The following MINDY2 variants were observed in gnomAD, a reference collection of about 807,000 sequenced individuals.
MINDY2 encodes the protein ubiquitin carboxyl-terminal hydrolase MINDY-2.
Under a neutral mutation model 68.2 loss-of-function variants are expected in MINDY2, and 52 were observed. The observed-to-expected ratio is 0.76, with a 90% CI of 0.61 to 0.96. The LOEUF is 0.96. Ranked by LOEUF, MINDY2 falls within the 40% of genes least tolerant of loss-of-function variation. MINDY2 has a pLI of 0.00. For synonymous variants in MINDY2, 372 were observed against 303.0 expected (o/e 1.23, Z -2.36); for missense variants, 881 against 773.4 (o/e 1.14, Z -1.65).
intron 7 of MINDY2, among the ~76,000 whole-genome samples, chr15:58,848,701 G>A (rs961196673): frequency 3.3e-4 from 50 of 152,226 alleles, no homozygotes; most frequent in African/African-American, 1.1e-3. Flanking sequence ...AGCCGAGATC[G>A]TGCCACTGCA....
At chr15:58,774,732 T>C (rs1424082844) in intron 1 of MINDY2, among the ~76,000 whole-genome samples, 1 of 152,178 alleles carries the variant, frequency 6.6e-6, no homozygotes, top group African/African-American at 2.4e-5. Context: ...GAAGACCTTC[T>C]GGGCAAAGAG....
In MINDY2 at chr15:58,771,634, G is replaced by C. The variant is rs1555425893; in HGVS notation, c.239G>C (p.Ser80Thr). ...TCTCCTGAGGTTCCCGGACCCTGCA[G>C]CTCCTCCGCGGGTTTGGACTTGAAG... ...AGSPEVPGPCSSSAGLDLKDS... is the reference protein window; with the variant it reads ...AGSPEVPGPCTSSAGLDLKDS... Residue 80 changes from serine (S) to threonine (T), a missense_variant, in exon 1 of 9, where the codon AGC (serine) becomes ACC (threonine). By Grantham distance (58) the Ser-to-Thr change is moderately conservative. Coordinates refer to ENST00000559228, the MANE Select transcript of MINDY2 (RefSeq NM_001040450.3). The C allele has an allele frequency of 8.1e-6, 13 of 1,612,428 alleles. No homozygotes were observed. The South Asian group carries it at 1.4e-4, about 18-fold the overall frequency.
Position 58,772,234 on chromosome 15 carries a change from A to G in MINDY2, c.839A>G (p.Lys280Arg). 2 of 1,609,992 alleles carry G rather than the reference A, an allele frequency of 1.2e-6. No homozygotes were observed. The highest frequency in any genetic ancestry group is 1.7e-6 in the Non-Finnish European group (2 of 1,179,954). The change falls in exon 1 of 9, where the codon AAG becomes AGG. Residue 280 changes from lysine to arginine, a missense_variant and splice_region_variant. By Grantham distance (26) the Lys-to-Arg change is conservative. Transcript: ENST00000559228. ...CTCAATGTTTTGCTCCTGGCCTGGA[A>G]GGTACATTCTGCAGCTTTCTACTTC... Reference protein sequence around the residue: ...AILNVLLLAWKVKLPPMMEII... With the variant: ...AILNVLLLAWRVKLPPMMEII...
chr15:58,798,529 C>G (rs1476887011), intron 2 of MINDY2, among the ~76,000 whole-genome samples: 1 of 151,338 alleles, frequency 6.6e-6, no homozygotes, highest in East Asian at 1.9e-4. Context: ...AATCTTGGCT[C>G]ACTGCAACCT....
chr15:58,783,778 T>G (rs1208144420), intron 1 of MINDY2, among the ~76,000 whole-genome samples: 1 of 151,886 alleles, frequency 6.6e-6, no homozygotes, highest in African/African-American at 2.4e-5. Context: ...ACCCCATCTG[T>G]ACAAAAAATA....
At chr15:58,793,442 C>T (rs187324510) in intron 2 of MINDY2, among the ~76,000 whole-genome samples, 4 of 152,084 alleles carry the variant, frequency 2.6e-5, no homozygotes, top group African/African-American at 7.2e-5. Context: ...CAGTGAGAAA[C>T]TGTCTCAAAA....
chr15:58,810,769 A>G (rs2030184544), intron 4 of MINDY2, among the ~76,000 whole-genome samples: 2 of 152,214 alleles, frequency 1.3e-5, no homozygotes, highest in Non-Finnish European at 2.9e-5. Flanking sequence ...GCAAAGATAC[A>G]GGTTAATATT....
At chr15:58,840,385 T>C (rs1478105891) in intron 6 of MINDY2, among the ~76,000 whole-genome samples, 1 of 152,160 alleles carries the variant, frequency 6.6e-6, no homozygotes, top group Non-Finnish European at 1.5e-5. Context: ...AAAATACCTC[T>C]GTGTTTCTTT....
intron 4 of MINDY2, among the ~76,000 whole-genome samples, chr15:58,811,980 A>T (rs2030310553): frequency 6.6e-6 from 1 of 152,232 alleles, no homozygotes; most frequent in Admixed American, 6.5e-5. Context: ...TTTCAAAATA[A>T]TATTAGTTAA....
Position 58,771,973 on chromosome 15 carries a change from G to A in MINDY2, c.578G>A (p.Ser193Asn), listed in dbSNP as rs758826908. Residue 193 changes from serine (S) to asparagine (N), a missense_variant, in exon 1 of 9, where the codon AGT becomes AAT. Ser to Asn is a conservative substitution (Grantham distance 46, BLOSUM62 1). Transcript: ENST00000559228. ...TTTCCCAGTAGCTGCGAGTTCAATA[G>A]TGAGGAGGGAGCGGAGAACAGGGTC... Reference protein sequence around the residue: ...HSFPSSCEFNSEEGAENRVPE... With the variant: ...HSFPSSCEFNNEEGAENRVPE... 5 of 1,577,812 alleles carry A rather than the reference G, an allele frequency of 3.2e-6. No individual in the cohort carries two copies. The East Asian group carries it at 1.1e-4, about 35-fold the overall frequency.
intron 2 of MINDY2, among the ~76,000 whole-genome samples, chr15:58,792,980 T>A (rs1902041798): frequency 6.6e-6 from 1 of 150,948 alleles, no homozygotes; most frequent in African/African-American, 2.4e-5. Context: ...CCAGCCTGGG[T>A]GAGAGAGCAA....
Position 58,859,796 on chromosome 15 carries a change from C to T in MINDY2, c.*5186C>T, listed in dbSNP as rs1437096977. The stretch of plus-strand genomic sequence containing the variant: ...TGTTAGAGTTTAATAAATTGTGATA[C>T]GCATATATTTTTTTACATGAAGGAT... On this transcript the variant is annotated 3_prime_UTR_variant, in exon 9 of 9. Coordinates refer to ENST00000559228, the MANE Select transcript of MINDY2 (RefSeq NM_001040450.3). 4.6e-5 allele frequency: 7 copies of T among 152,048 alleles called. No individual in the cohort carries two copies. The highest frequency in any genetic ancestry group is 9.7e-5 in the African/African-American group (4 of 41,398). 9.4% of individuals were successfully genotyped at this position (152,048 alleles called of 1,614,324 possible).
intron 2 of MINDY2, among the ~76,000 whole-genome samples, chr15:58,800,045 G>C (rs1454058564): frequency 6.6e-6 from 1 of 152,136 alleles, no homozygotes; most frequent in South Asian, 2.1e-4. Flanking sequence ...ATATAAATAC[G>C]CTATAAAGCG....
intron 2 of MINDY2, among the ~76,000 whole-genome samples, chr15:58,789,917 G>A (rs946034530): frequency 4.6e-5 from 7 of 152,072 alleles, no homozygotes; most frequent in Non-Finnish European, 1.0e-4. Flanking sequence ...AAAGTGCTGG[G>A]ATTGCAGGCG....
intron 3 of MINDY2, among the ~76,000 whole-genome samples, chr15:58,809,998 A>T (rs1310503121): frequency 6.6e-6 from 1 of 152,190 alleles, no homozygotes; most frequent in African/African-American, 2.4e-5. Flanking sequence ...GCTGGTCTCA[A>T]ACTCCTGACC....
intron 2 of MINDY2, among the ~76,000 whole-genome samples, chr15:58,800,255 T>G (rs138834142): frequency 6.6e-6 from 1 of 152,308 alleles, no homozygotes; most frequent in Non-Finnish European, 1.5e-5. Flanking sequence ...ATTCTTTCCT[T>G]GAAATTTTTT....
At chr15:58,772,561 A>C (rs1466796412) in intron 1 of MINDY2, among the ~76,000 whole-genome samples, 1 of 152,176 alleles carries the variant, frequency 6.6e-6, no homozygotes, top group African/African-American at 2.4e-5. Flanking sequence ...TTTCTTACTG[A>C]CCTTATCACA....
At chr15:58,779,268 G>A (rs1161142238) in intron 1 of MINDY2, among the ~76,000 whole-genome samples, 2 of 152,268 alleles carry the variant, frequency 1.3e-5, no homozygotes, top group East Asian at 3.9e-4. Context: ...ATGAACAAAA[G>A]GCTGTTAACA....
In MINDY2 at chr15:58,849,320, G is replaced by T. The variant is rs563347966; in HGVS notation, c.1542+1850G>T. On this transcript the variant is annotated intron_variant, in intron 7 of 8. Coordinates refer to ENST00000559228, the MANE Select transcript of MINDY2 (RefSeq NM_001040450.3). The stretch of plus-strand genomic sequence containing the variant: ...GATCAAGACCATCCTGGCTAACATG[G>T]TGAAACCCCGTCTTTAATTAGAAAA... 5.3e-5 allele frequency among the ~76,000 whole-genome samples: 8 copies of T among 152,090 alleles called. No individual in the cohort carries two copies. In the South Asian group the frequency reaches 1.7e-3, roughly 32 times the overall value.
Sources: allele counts gnomAD v4.1 joint callset (sites outside exome capture counted in the v4.1 genomes callset), GRCh38; gene constraint gnomAD v4.1.1; transcripts MANE v1.5; gene names NCBI Gene and HGNC (gene_info 2026-07-23, HGNC 2026-07-21).